Variants in SLCO2A1 observed in about 807,000 individuals in gnomAD.
The protein encoded by SLCO2A1 is matrin F/G 1.
Under a neutral mutation model 71.7 loss-of-function variants are expected in SLCO2A1, and 60 were observed. The observed-to-expected ratio is 0.84, with a 90% CI of 0.68 to 1.04. SLCO2A1 has a LOEUF of 1.04. SLCO2A1 is among the 50% of genes least tolerant of loss of function. The pLI is 0.00. For missense variants in SLCO2A1, 745 were observed against 813.4 expected (o/e 0.92, Z 1.02); for synonymous variants, 308 against 326.7 (o/e 0.94, Z 0.62).
At chr3:133,991,577 AGCCTTTGATAAGACATG>A (rs528114089) in intron 1 of SLCO2A1, among the ~76,000 whole-genome samples, 209 of 152,360 alleles carry the variant, frequency 1.4e-3, no homozygotes, top group Middle Eastern at 3.4e-3. Flanking sequence ...AATTAGAAAA[AGCCTTTGATAAGACATG>A]GTCCTGTGGG....
chr3:133,949,583 C>T (rs1933682473), intron 6 of SLCO2A1, among the ~76,000 whole-genome samples: 1 of 152,226 alleles, frequency 6.6e-6, no homozygotes, highest in African/African-American at 2.4e-5. Context: ...CTTTCAGATG[C>T]AAGGCCCCTG....
At chr3:133,997,530 G>A (rs182984259) in intron 1 of SLCO2A1, among the ~76,000 whole-genome samples, 4 of 152,318 alleles carry the variant, frequency 2.6e-5, no homozygotes, top group African/African-American at 4.8e-5. Context: ...TTTGACAATC[G>A]AGGCAGAAGC....
Position 133,978,659 on chromosome 3 carries a change from C to A in SLCO2A1, c.234+822G>T, listed in dbSNP as rs185591794. ...CCTCATGATGCTCCAGAGGAGCAACCCGGCTCTGGGGAAGGGACCACTGCC... is the reference window on the plus strand; with the variant it reads ...CCTCATGATGCTCCAGAGGAGCAACACGGCTCTGGGGAAGGGACCACTGCC... On this transcript the variant is annotated intron_variant, in intron 2 of 13. Transcript: ENST00000310926. Among the ~76,000 whole-genome samples the A allele has an allele frequency of 3.3e-5, 5 of 152,184 alleles. No homozygotes were observed. In the East Asian group the frequency reaches 9.7e-4, roughly 30 times the overall value.
At chr3:133,969,554 C>CT (rs796569155) in intron 3 of SLCO2A1, among the ~76,000 whole-genome samples, 144 of 147,224 alleles carry the variant, frequency 9.8e-4, no homozygotes, top group Admixed American at 2.4e-3. Context: ...GCCCGGCTAA[C>CT]TTTTTTTTTT....
chr3:134,017,474 G>A (rs1228223005), intron 1 of SLCO2A1, among the ~76,000 whole-genome samples: 1 of 152,168 alleles, frequency 6.6e-6, no homozygotes, highest in Non-Finnish European at 1.5e-5. Flanking sequence ...TCACACAGCT[G>A]TGTCTTCATG....
chr3:133,939,962 C>CTTTT, intron 11 of SLCO2A1, among the ~76,000 whole-genome samples: 1 of 106,352 alleles, frequency 9.4e-6, no homozygotes, highest in Non-Finnish European at 1.9e-5. Context: ...ACAAAGTCAT[C>CTTTT]TTTTTTTTTT....
At chr3:133,962,744 A>T (rs13071514) in intron 3 of SLCO2A1, among the ~76,000 whole-genome samples, 16,720 of 152,164 alleles carry the variant, frequency 0.11, 946 homozygotes, top group Middle Eastern at 0.2. Flanking sequence ...ACTCCACGTA[A>T]CTTATAGAAG....
At chr3:134,017,153 T>C (rs1195677821) in intron 1 of SLCO2A1, among the ~76,000 whole-genome samples, 1 of 152,202 alleles carries the variant, frequency 6.6e-6, no homozygotes, top group Non-Finnish European at 1.5e-5. Flanking sequence ...TCTTCATGTG[T>C]GATGCAATGG....
At chr3:134,019,580 T>A (rs1935526995) in intron 1 of SLCO2A1, among the ~76,000 whole-genome samples, 2 of 152,162 alleles carry the variant, frequency 1.3e-5, no homozygotes, top group Admixed American at 1.3e-4. Context: ...TTCCTATGCC[T>A]CATTCCACAT....
intron 1 of SLCO2A1, among the ~76,000 whole-genome samples, chr3:134,013,251 A>G (rs1012133489): frequency 2.0e-5 from 3 of 152,222 alleles, no homozygotes; most frequent in Non-Finnish European, 4.4e-5. Flanking sequence ...TACCCCAAAT[A>G]CACTGTAAAT....
rs961251931 is a variant in SLCO2A1, at chr3:133,934,948, A to G, written c.1815-118T>C. 9 of 747,986 alleles carry G rather than the reference A, an allele frequency of 1.2e-5. No individual in the cohort carries two copies. In the East Asian group the frequency reaches 2.3e-4, roughly 19 times the overall value. The allele number at this position is 747,986 out of a possible 1,614,324, so 46.3% of individuals were successfully genotyped here. On this transcript the variant is annotated intron_variant, in intron 13 of 13. Coordinates refer to ENST00000310926, the MANE Select transcript of SLCO2A1 (RefSeq NM_005630.3). ...ACGCTGGCCCGCGGAAGGTGTGGGC[A>G]CCATCCAGGTGAGGATCACTTTCCT... is the stretch of plus-strand genomic sequence containing the variant.
intron 1 of SLCO2A1, among the ~76,000 whole-genome samples, chr3:133,991,773 C>G (rs1404388833): frequency 6.6e-6 from 1 of 152,224 alleles, no homozygotes; most frequent in African/African-American, 2.4e-5. Context: ...CAACAGATCT[C>G]TCACTGCTCA....
At chr3:134,014,136 A>G (rs1374613293) in intron 1 of SLCO2A1, among the ~76,000 whole-genome samples, 1 of 152,182 alleles carries the variant, frequency 6.6e-6, no homozygotes, top group African/African-American at 2.4e-5. Flanking sequence ...ACTTGTCATC[A>G]GGACTCTCAG....
chr3:133,986,901 A>G (rs115420184), intron 1 of SLCO2A1, among the ~76,000 whole-genome samples: 5,028 of 152,202 alleles, frequency 0.033, 274 homozygotes, highest in African/African-American at 0.11. Context: ...TTTCCAAACT[A>G]AACATCGGAA....
intron 10 of SLCO2A1, 85 bp from the exon 11 acceptor site, chr3:133,942,853 T>G (rs1049039505): frequency 2.2e-6 from 3 of 1,390,936 alleles, no homozygotes; most frequent in Admixed American, 2.4e-5. Flanking sequence ...CAGCTCTTGT[T>G]GGAGACTGAG....
intron 3 of SLCO2A1, among the ~76,000 whole-genome samples, chr3:133,963,437 A>G (rs931794271): frequency 7.9e-5 from 12 of 152,120 alleles, no homozygotes; most frequent in African/African-American, 2.7e-4. Context: ...TAGGGAGGGG[A>G]CCCTAGAACG....
chr3:133,982,617 C>T (rs1222123267), intron 1 of SLCO2A1, among the ~76,000 whole-genome samples: 1 of 152,146 alleles, frequency 6.6e-6, no homozygotes, highest in African/African-American at 2.4e-5. Context: ...GTCCCTCCTC[C>T]TCACCCTCTG....
At chr3:133,979,722 C>T in intron 1 of SLCO2A1, 104 bp from the exon 2 acceptor site, 1 of 1,301,224 alleles carries the variant, frequency 7.7e-7, no homozygotes, top group Non-Finnish European at 1.0e-6. Context: ...GTTTCCTCGC[C>T]TGTTATCTAG....
intron 1 of SLCO2A1, among the ~76,000 whole-genome samples, chr3:133,997,856 GT>G (rs1318581776): frequency 7.2e-5 from 11 of 152,392 alleles, no homozygotes; most frequent in African/African-American, 2.6e-4. Context: ...ATTACAGACT[GT>G]AAAATGACGG....
Sources: gnomAD v4.1 joint callset for allele counts (sites outside exome capture counted in the v4.1 genomes callset) on GRCh38, gnomAD v4.1.1 for gene constraint, MANE v1.5 for transcripts, NCBI Gene and HGNC (gene_info 2026-07-23, HGNC 2026-07-21) for gene names.